The following CAST variants were observed in gnomAD, a reference collection of about 807,000 sequenced individuals.
The protein encoded by CAST is MIR583 host.
A neutral mutation model predicts 119.6 loss-of-function variants in CAST; 76 were observed. The ratio of observed to expected loss-of-function variants is 0.64; its 90% CI spans 0.53 to 0.77. The LOEUF is 0.77. CAST is among the 30% of genes least tolerant of loss of function. The pLI, the probability that CAST is intolerant of heterozygous loss-of-function variation, is 0.00. For missense variants in CAST, 953 were observed against 946.5 expected (o/e 1.01, Z -0.09); for synonymous variants, 319 against 331.6 (o/e 0.96, Z 0.41).
At chr5:96,557,239 C>G (rs1039588469) in intron 1 of CAST, among the ~76,000 whole-genome samples, 2 of 152,056 alleles carry the variant, frequency 1.3e-5, no homozygotes, top group Non-Finnish European at 2.9e-5. Flanking sequence ...CAACTGGTAC[C>G]AGCCACTGCA....
intron 1 of CAST, among the ~76,000 whole-genome samples, chr5:96,655,125 A>G (rs1354966391): frequency 6.6e-6 from 1 of 152,238 alleles, no homozygotes; most frequent in East Asian, 1.9e-4. Context: ...GAAACCTTTC[A>G]AGACCTATAG....
chr5:96,473,403 A>C, the CAST span, among the ~76,000 whole-genome samples: 1 of 152,246 alleles, frequency 6.6e-6, no homozygotes, highest in Non-Finnish European at 1.5e-5. Context: ...GAAATCTGAC[A>C]ATAAATTATA....
chr5:96,463,107 G>A, the CAST span, among the ~76,000 whole-genome samples: 1 of 152,232 alleles, frequency 6.6e-6, no homozygotes, highest in South Asian at 2.1e-4. Context: ...TCTGGGAAAG[G>A]TGGTAAGGTG....
the CAST span, among the ~76,000 whole-genome samples, chr5:96,292,019 T>A: frequency 6.6e-6 from 1 of 152,148 alleles, no homozygotes; most frequent in Admixed American, 6.5e-5. Flanking sequence ...AATTCAGACT[T>A]TTGTGCTTTC....
At chr5:96,759,035 G>A (rs1767037937) in intron 24 of CAST, among the ~76,000 whole-genome samples, 1 of 152,008 alleles carries the variant, frequency 6.6e-6, no homozygotes, top group South Asian at 2.1e-4. Flanking sequence ...AAGTAACAAT[G>A]GATTTATATG....
chr5:96,413,066 C>T, the CAST span: 1 of 525,572 alleles, frequency 1.9e-6, no homozygotes, highest in Non-Finnish European at 2.4e-6. Flanking sequence ...CAACAGGAAA[C>T]TAACAAATAG....
the CAST span, among the ~76,000 whole-genome samples, chr5:96,473,740 A>G: frequency 6.6e-6 from 1 of 152,174 alleles, no homozygotes; most frequent in African/African-American, 2.4e-5. Flanking sequence ...GGTTTCCGAG[A>G]GACTTAGGAG....
the CAST span, among the ~76,000 whole-genome samples, chr5:96,243,255 C>T: frequency 6.6e-6 from 1 of 150,836 alleles, no homozygotes; most frequent in Non-Finnish European, 1.5e-5. Context: ...TAACTAAATG[C>T]CTTTTTTCTC....
the CAST span, among the ~76,000 whole-genome samples, chr5:96,057,271 C>T: frequency 6.6e-6 from 1 of 152,176 alleles, no homozygotes; most frequent in Non-Finnish European, 1.5e-5. Context: ...CAGCTTTAGG[C>T]TAAACTTAAT....
chr5:96,465,725 G>A, the CAST span, among the ~76,000 whole-genome samples: 2 of 152,040 alleles, frequency 1.3e-5, no homozygotes, highest in South Asian at 4.2e-4. Context: ...TCCAATTGAG[G>A]ATGTTTATTT....
intron 1 of CAST, among the ~76,000 whole-genome samples, chr5:96,582,727 G>T (rs1169510300): frequency 6.6e-6 from 1 of 152,136 alleles, no homozygotes; most frequent in African/African-American, 2.4e-5. Flanking sequence ...TTTATTACAA[G>T]TGTTTAAAAT....
At chr5:96,597,577 C>T (rs958341872) in intron 1 of CAST, among the ~76,000 whole-genome samples, 1 of 152,176 alleles carries the variant, frequency 6.6e-6, no homozygotes, top group Non-Finnish European at 1.5e-5. Flanking sequence ...CAACCTGCAC[C>T]TTCCAACATC....
At chr5:96,248,195 C>G in the CAST span, among the ~76,000 whole-genome samples, 1 of 152,176 alleles carries the variant, frequency 6.6e-6, no homozygotes, top group Non-Finnish European at 1.5e-5. Context: ...CTCTCTCTCC[C>G]CTTTGCTCTT....
the CAST span, among the ~76,000 whole-genome samples, chr5:96,441,641 T>C: frequency 6.6e-6 from 1 of 152,128 alleles, no homozygotes; most frequent in Non-Finnish European, 1.5e-5. Context: ...AAAAAGGGAC[T>C]ATGTAAACTC....
At chr5:96,742,630 G>T in intron 15 of CAST, 25 bp from the exon 16 acceptor site, 1 of 1,462,238 alleles carries the variant, frequency 6.8e-7, no homozygotes, top group Non-Finnish European at 9.6e-7. Flanking sequence ...CTTTTTTCAT[G>T]CACAGGATTT....
intron 1 of CAST, chr5:96,663,260 C>T (rs1324132071): frequency 2.0e-5 from 14 of 700,982 alleles, no homozygotes; most frequent in Non-Finnish European, 3.1e-5. Flanking sequence ...GCGGATGAAG[C>T]GTTGTCCGGG....
chr5:96,314,715 C>A, the CAST span, among the ~76,000 whole-genome samples: 1 of 152,146 alleles, frequency 6.6e-6, no homozygotes, highest in Non-Finnish European at 1.5e-5. Context: ...CCTGCTGAAC[C>A]CTTTTCTTGT....
the CAST span, among the ~76,000 whole-genome samples, chr5:96,068,725 A>C: frequency 6.6e-6 from 1 of 151,586 alleles, no homozygotes; most frequent in Non-Finnish European, 1.5e-5. Flanking sequence ...ATTTATATAC[A>C]TATGCATAGT....
At chr5:96,380,233 T>G in the CAST span, among the ~76,000 whole-genome samples, 1 of 152,228 alleles carries the variant, frequency 6.6e-6, no homozygotes, top group Admixed American at 6.6e-5. Context: ...TACACCAAAC[T>G]GTACTAGAAG....
Sources: allele counts gnomAD v4.1 joint callset (sites outside exome capture counted in the v4.1 genomes callset), GRCh38; gene constraint gnomAD v4.1.1; transcripts MANE v1.5; gene names NCBI Gene and HGNC (gene_info 2026-07-23, HGNC 2026-07-21).